E2F6: variants seen among roughly 807,000 people sequenced by gnomAD.
E2F6 encodes the protein transcription factor E2F6.
Under a neutral mutation model 31.5 loss-of-function variants are expected in E2F6, and 19 were observed. The observed-to-expected ratio is 0.60, with a 90% CI of 0.42 to 0.89. E2F6 has a LOEUF of 0.89. E2F6 is among the 40% of genes least tolerant of loss of function. E2F6 has a pLI of 0.00. For missense variants in E2F6, 269 were observed against 341.6 expected (o/e 0.79, Z 1.67); for synonymous variants, 121 against 127.7 (o/e 0.95, Z 0.36).
chr2:11,457,138 C>A lies in E2F6; in HGVS notation c.163+41G>T. 4 of 1,411,986 alleles carry A rather than the reference C, an allele frequency of 2.8e-6. No homozygotes were observed. The South Asian group carries it at 4.8e-5, about 17-fold the overall frequency. The allele number at this position is 1,411,986 out of a possible 1,614,324, so 87.5% of individuals were successfully genotyped here. On this transcript the variant is annotated intron_variant, in intron 2 of 6. Transcript: ENST00000381525. ...CAAATCATTTTAATCATAAGAAGTTCAAACTAACAAAACCTAAAACCTATT... is the reference window on the plus strand; with the variant it reads ...CAAATCATTTTAATCATAAGAAGTTAAAACTAACAAAACCTAAAACCTATT...
intron 1 of E2F6, among the ~76,000 whole-genome samples, chr2:11,465,210 GA>G (rs1160856718): frequency 6.9e-6 from 1 of 143,898 alleles, no homozygotes; most frequent in African/African-American, 2.5e-5. Flanking sequence ...AAAAAAGAAA[GA>G]AAAGAAAAAG....
chr2:11,462,376 G>A (rs1357141277), intron 1 of E2F6, among the ~76,000 whole-genome samples: 2 of 152,292 alleles, frequency 1.3e-5, no homozygotes, highest in Non-Finnish European at 1.5e-5. Flanking sequence ...GGCATAGTAA[G>A]AGATTAACAG....
chr2:11,465,629 A>C, intron 1 of E2F6, 143 bp downstream of exon 1: 2 of 748,860 alleles, frequency 2.7e-6, no homozygotes, highest in Non-Finnish European at 4.5e-6. Context: ...GGGAGAGCGC[A>C]GTTCGCAGCA....
At chr2:11,448,694 C>T (rs1192612212) in intron 5 of E2F6, among the ~76,000 whole-genome samples, 2 of 152,202 alleles carry the variant, frequency 1.3e-5, no homozygotes, top group Non-Finnish European at 2.9e-5. Flanking sequence ...TATTTCTTAA[C>T]AATAACATTC....
chr2:11,448,745 T>A (rs1400839824), intron 5 of E2F6, among the ~76,000 whole-genome samples: 1 of 152,234 alleles, frequency 6.6e-6, no homozygotes, highest in African/African-American at 2.4e-5. Flanking sequence ...AAGGCTGAGA[T>A]GGTAAATATT....
At position 11,446,483 on chromosome 2, in the gene E2F6, G is replaced by C. The variant is rs778217325; in HGVS notation, c.840C>G (p.Ser280Arg). ...CATAAATTCTCAAATGCCATCAGTT[G>C]CTTACTTCAAGCAATTCTTCACTTT... ...PQQSEELLEV[S>R]N Residue 280 changes from serine to arginine, a missense_variant, in exon 7 of 7, where the codon AGC (serine) becomes AGG (arginine). Ser to Arg is a moderately radical substitution (Grantham distance 110). Coordinates refer to ENST00000381525, the MANE Select transcript of E2F6 (RefSeq NM_198256.4). The C allele has an allele frequency of 1.9e-6, 3 of 1,611,368 alleles. No individual in the cohort carries two copies.
chr2:11,447,882 G>T lies in E2F6; in HGVS notation c.652-108C>A. 4.6e-6 allele frequency: 6 copies of T among 1,316,198 alleles called. No individual in the cohort carries two copies. In the South Asian group the frequency reaches 8.8e-5, roughly 19 times the overall value. The allele number at this position is 1,316,198 out of a possible 1,614,324, so 81.5% of individuals were successfully genotyped here. A position where few individuals can be genotyped will look rare whatever the true frequency, so the allele number is the denominator to read the frequency against. ...GACATTTGAGAAAATCACCTTAGCT[G>T]TAGTCACATTACAGCACTGGCCAAT... On this transcript the variant is annotated intron_variant, in intron 5 of 6. Transcript: ENST00000381525.
At chr2:11,456,099 A>C (rs1192319394) in intron 2 of E2F6, among the ~76,000 whole-genome samples, 1 of 152,202 alleles carries the variant, frequency 6.6e-6, no homozygotes, top group Non-Finnish European at 1.5e-5. Context: ...ATTAAGCAAG[A>C]AACAGCCTAC....
Position 11,466,157 on chromosome 2 carries a change from A to T in E2F6, c.-278T>A, listed in dbSNP as rs1238259008. The T allele has an allele frequency of 2.6e-6, 1 of 391,192 alleles. No individual in the cohort carries two copies. The highest frequency in any genetic ancestry group is 4.6e-6 in the Non-Finnish European group (1 of 218,398). 24.2% of individuals were successfully genotyped at this position (391,192 alleles called of 1,614,324 possible). The stretch of plus-strand genomic sequence containing the variant: ...CCCGCCATCTTCCCGCATGCGCAGT[A>T]CACCGCCCCCCTCTGCGCATGCCCG... On this transcript the variant is annotated 5_prime_UTR_variant, in exon 1 of 7. Coordinates refer to ENST00000381525, the MANE Select transcript of E2F6 (RefSeq NM_198256.4).
At chr2:11,453,215 G>A (rs897906326) in intron 3 of E2F6, among the ~76,000 whole-genome samples, 4 of 150,212 alleles carry the variant, frequency 2.7e-5, no homozygotes, top group African/African-American at 9.8e-5. Context: ...TAAACACCTC[G>A]CTACGTCATA....
At chr2:11,451,514 G>A in intron 4 of E2F6, 137 bp downstream of exon 4, 1 of 889,876 alleles carries the variant, frequency 1.1e-6, no homozygotes, top group Non-Finnish European at 1.6e-6. Context: ...CACCACGCCT[G>A]GCTAATTTTG....
At chr2:11,458,399 C>G (rs887338040) in intron 1 of E2F6, 1 of 1,541,442 alleles carries the variant, frequency 6.5e-7, no homozygotes, top group East Asian at 2.4e-5. Context: ...CGGAAATGAA[C>G]AAAGGTGTGA....
chr2:11,462,005 T>C (rs1671810211), intron 1 of E2F6, among the ~76,000 whole-genome samples: 1 of 152,252 alleles, frequency 6.6e-6, no homozygotes, highest in Non-Finnish European at 1.5e-5. Flanking sequence ...AAACAGTTTG[T>C]GTCATGGACT....
At chr2:11,457,309 T>C (rs1449522123) in intron 1 of E2F6, 76 bp from the exon 2 acceptor site, 6 of 907,824 alleles carry the variant, frequency 6.6e-6, no homozygotes, top group Admixed American at 4.1e-5. Context: ...TACTCAATAG[T>C]ATAAAGGTCT....
rs1325268994 is a variant in E2F6, at chr2:11,466,036, C to G, written c.-157G>C. The G allele has an allele frequency of 5.0e-6, 3 of 602,086 alleles. No homozygotes were observed. The highest frequency in any genetic ancestry group is 2.0e-5 in the African/African-American group (1 of 50,410). The allele number at this position is 602,086 out of a possible 1,614,324, so 37.3% of individuals were successfully genotyped here. On this transcript the variant is annotated 5_prime_UTR_variant, in exon 1 of 7. Transcript: ENST00000381525. ...GAGGCGCCGCCCGGCTAGGCCGTCC[C>G]GCCCGCCAGTAAACGCGGCACGGCC...
chr2:11,460,330 G>A (rs1381575500), intron 1 of E2F6, among the ~76,000 whole-genome samples: 1 of 151,758 alleles, frequency 6.6e-6, no homozygotes, highest in African/African-American at 2.4e-5. Flanking sequence ...TTTCAATTAT[G>A]CAGACCAAGT....
intron 2 of E2F6, 21 bp from the exon 3 acceptor site, chr2:11,453,819 A>T: frequency 6.3e-7 from 1 of 1,581,366 alleles, no homozygotes; most frequent in Non-Finnish European, 8.6e-7. Flanking sequence ...AAATAAACAT[A>T]TTTGTAAAAT....
At chr2:11,448,548 C>CA (rs1670865101) in intron 5 of E2F6, among the ~76,000 whole-genome samples, 1 of 152,188 alleles carries the variant, frequency 6.6e-6, no homozygotes, top group African/African-American at 2.4e-5. Flanking sequence ...TGCAGCCTCT[C>CA]AGACGGTCTC....
intron 2 of E2F6, chr2:11,456,940 G>A (rs1297334199): frequency 2.2e-6 from 1 of 449,464 alleles, no homozygotes; most frequent in Non-Finnish European, 4.0e-6. Flanking sequence ...TCTCCCAGGA[G>A]GAATTCTGAG....
Sources: gnomAD v4.1 joint callset for allele counts (sites outside exome capture counted in the v4.1 genomes callset) on GRCh38, gnomAD v4.1.1 for gene constraint, MANE v1.5 for transcripts, NCBI Gene and HGNC (gene_info 2026-07-23, HGNC 2026-07-21) for gene names.